The following ZNF521 variants were observed in gnomAD, a reference collection of about 807,000 sequenced individuals.
The protein encoded by ZNF521 is zinc finger protein 521.
Under a neutral mutation model 105.5 loss-of-function variants are expected in ZNF521, and 14 were observed. The observed-to-expected ratio is 0.13, with a 90% CI of 0.09 to 0.21. The LOEUF is 0.21. ZNF521 is among the 10% of genes least tolerant of loss of function. The pLI, the probability that ZNF521 is intolerant of heterozygous loss-of-function variation, is 1.00. For missense variants in ZNF521, 1,233 were observed against 1,629.7 expected (o/e 0.76, Z 4.19); for synonymous variants, 635 against 606.0 (o/e 1.05, Z -0.70).
At chr18:25,283,931 C>CT (rs1046304085) in intron 3 of ZNF521, among the ~76,000 whole-genome samples, 1 of 142,696 alleles carries the variant, frequency 7.0e-6, no homozygotes, top group Non-Finnish European at 1.6e-5. Context: ...TTCCCCCCCC[C>CT]CCAAAAAAAT....
At chr18:25,210,173 A>T (rs2036154089) in intron 4 of ZNF521, among the ~76,000 whole-genome samples, 1 of 152,210 alleles carries the variant, frequency 6.6e-6, no homozygotes, top group African/African-American at 2.4e-5. Flanking sequence ...TTTAGCAAGA[A>T]TTTTCATAGA....
chr18:25,182,442 C>G (rs2035647249), intron 5 of ZNF521, among the ~76,000 whole-genome samples: 2 of 152,168 alleles, frequency 1.3e-5, no homozygotes, highest in South Asian at 4.1e-4. Flanking sequence ...ATTTTCTACT[C>G]TTGTAACCTG....
intron 7 of ZNF521, among the ~76,000 whole-genome samples, chr18:25,087,045 A>AT (rs762902020): frequency 4.6e-5 from 7 of 152,180 alleles, no homozygotes; most frequent in Non-Finnish European, 1.0e-4. Context: ...ACGCTACCTG[A>AT]TATGTGATGA....
chr18:25,069,431 T>G (rs1446274313), intron 7 of ZNF521, among the ~76,000 whole-genome samples: 1 of 152,180 alleles, frequency 6.6e-6, no homozygotes, highest in Non-Finnish European at 1.5e-5. Flanking sequence ...AATTTTCAAC[T>G]GATTAAAAGT....
chr18:25,237,381 C>T (rs9304476), intron 3 of ZNF521, among the ~76,000 whole-genome samples: 16,420 of 151,878 alleles, frequency 0.11, 1,206 homozygotes, highest in African/African-American at 0.2. Context: ...GACTTTATGA[C>T]GCTACTTTCT....
chr18:25,225,221 A>G lies in ZNF521; in HGVS notation c.2697T>C (p.Thr899=), dbSNP rs199516186. ...DICGAAYTME[T]LLQNHQLRDH... Reference sequence around the variant, plus strand: ...CTCGGAGCTGGTGATTCTGCAGCAAAGTTTCCATAGTGTAGGCTGCCCCAC... The same window carrying G: ...CTCGGAGCTGGTGATTCTGCAGCAAGGTTTCCATAGTGTAGGCTGCCCCAC... Residue 899 remains threonine (T), a synonymous_variant, in exon 4 of 8, where the codon ACT becomes ACC. Coordinates refer to ENST00000361524, the MANE Select transcript of ZNF521 (RefSeq NM_015461.3). The surrounding 1 kb of genome is among the most constrained non-coding windows in gnomAD (Gnocchi z 5.6). 4.3e-6 allele frequency: 7 copies of G among 1,614,034 alleles called. No individual in the cohort carries two copies. The highest frequency in any genetic ancestry group is 5.9e-6 in the Non-Finnish European group (7 of 1,179,986).
At chr18:25,092,758 C>A (rs1473682533) in intron 5 of ZNF521, among the ~76,000 whole-genome samples, 4 of 152,130 alleles carry the variant, frequency 2.6e-5, no homozygotes, top group African/African-American at 9.6e-5. Flanking sequence ...ACTTGACTAG[C>A]CCTGAATTTT....
chr18:25,341,235 A>G (rs1023686495), intron 2 of ZNF521, among the ~76,000 whole-genome samples: 3 of 152,232 alleles, frequency 2.0e-5, no homozygotes, highest in African/African-American at 7.2e-5. Context: ...ACTTTTTAGT[A>G]CCGACTTGCT....
chr18:25,251,768 TA>T (rs1282282170), intron 3 of ZNF521, among the ~76,000 whole-genome samples: 1 of 152,174 alleles, frequency 6.6e-6, no homozygotes, highest in African/African-American at 2.4e-5. Flanking sequence ...GGTGAACAGC[TA>T]AATATTTTGA....
intron 3 of ZNF521, among the ~76,000 whole-genome samples, chr18:25,314,650 G>A (rs894218755): frequency 6.6e-6 from 1 of 152,164 alleles, no homozygotes; most frequent in Non-Finnish European, 1.5e-5. Flanking sequence ...AGCTACAGCA[G>A]AATTACTACC....
intron 5 of ZNF521, among the ~76,000 whole-genome samples, chr18:25,128,441 T>C (rs1392024052): frequency 6.6e-6 from 1 of 151,938 alleles, no homozygotes; most frequent in Non-Finnish European, 1.5e-5. Flanking sequence ...TCCCTTTCAA[T>C]ATCATACTGA....
At chr18:25,154,038 T>A (rs2144497990) in intron 5 of ZNF521, among the ~76,000 whole-genome samples, 2 of 152,304 alleles carry the variant, frequency 1.3e-5, no homozygotes, top group Admixed American at 1.3e-4. Flanking sequence ...AAGTTCTGTG[T>A]TCTGTGTCCA....
Position 25,349,870 on chromosome 18 carries a change from G to GCCCTCGCCCCGGTTCCCCGTCCTGC in ZNF521, c.40+1012_40+1036dup, listed in dbSNP as rs1386252167. On this transcript the variant is annotated intron_variant, in intron 2 of 7. Coordinates refer to ENST00000361524, the MANE Select transcript of ZNF521 (RefSeq NM_015461.3). ...GGCCGCCTCCAGCGCTGGCCCCCTG[G>GCCCTCGCCCCGGTTCCCCGTCCTGC]CCCTCGCCCCGGTTCCCCGTCCTGC... is the stretch of plus-strand genomic sequence containing the variant. 2.7e-5 allele frequency among the ~76,000 whole-genome samples: 4 copies of GCCCTCGCCCCGGTTCCCCGTCCTGC among 150,686 alleles called. No individual in the cohort carries two copies. In the East Asian group the frequency reaches 7.8e-4, roughly 30 times the overall value.
At position 25,226,249 on chromosome 18, in the gene ZNF521, C is replaced by G; in HGVS notation, c.1669G>C (p.Val557Leu). ...CAATAGGAACAAGAATAGACTTCTACTACTGGTTCTTTGGGAGTCCCAAGC... is the reference window on the plus strand; with the variant it reads ...CAATAGGAACAAGAATAGACTTCTAGTACTGGTTCTTTGGGAGTCCCAAGC... ...PVLGTPKEPV[V>L]EVYSCSYCTN... Residue 557 changes from valine to leucine, a missense_variant, in exon 4 of 8, where the codon GTA becomes CTA. By Grantham distance (32) the Val-to-Leu change is conservative. This residue lies in a region of ZNF521 where 380 missense variants were observed against 478.0 expected (regional missense o/e 0.80). Transcript: ENST00000361524. This position sits in a 1 kb window ranked among gnomAD's most constrained non-coding sequence, Gnocchi z 4.1. 1 of 1,614,198 alleles carries G rather than the reference C, an allele frequency of 6.2e-7. No individual in the cohort carries two copies. The highest frequency in any genetic ancestry group is 1.3e-5 in the African/African-American group (1 of 75,060).
chr18:25,198,753 CT>C (rs1380707822), intron 4 of ZNF521, among the ~76,000 whole-genome samples: 1 of 151,594 alleles, frequency 6.6e-6, no homozygotes, highest in East Asian at 1.9e-4. Context: ...TGAGTGAAAG[CT>C]TTTCTTTATA....
At chr18:25,200,564 C>G (rs2035975513) in intron 4 of ZNF521, among the ~76,000 whole-genome samples, 1 of 152,142 alleles carries the variant, frequency 6.6e-6, no homozygotes, top group African/African-American at 2.4e-5. Context: ...ACTCTCCATT[C>G]ACTTCTATCA....
intron 6 of ZNF521, among the ~76,000 whole-genome samples, chr18:25,091,266 G>A (rs898547356): frequency 6.6e-6 from 1 of 152,114 alleles, no homozygotes; most frequent in East Asian, 1.9e-4. Flanking sequence ...CATTGTTAGG[G>A]GAATACCACA....
chr18:25,122,025 T>C (rs981890617), intron 5 of ZNF521, among the ~76,000 whole-genome samples: 1 of 152,090 alleles, frequency 6.6e-6, no homozygotes, highest in Non-Finnish European at 1.5e-5. Flanking sequence ...ATGATAAAAT[T>C]AGTAGAAAAA....
chr18:25,278,222 A>G (rs1910154150), intron 3 of ZNF521, among the ~76,000 whole-genome samples: 1 of 152,226 alleles, frequency 6.6e-6, no homozygotes, highest in Non-Finnish European at 1.5e-5. Flanking sequence ...TGTATTTTGA[A>G]TAGCACTTAA....
Sources: gnomAD v4.1 joint callset for allele counts (sites outside exome capture counted in the v4.1 genomes callset) on GRCh38, gnomAD v4.1.1 for gene constraint, gnomAD v4.1.1 regional missense constraint, Gnocchi (gnomAD v3.1) non-coding constraint, MANE v1.5 for transcripts, NCBI Gene and HGNC (gene_info 2026-07-23, HGNC 2026-07-21) for gene names.